The following TTC29 variants were observed in gnomAD, a reference collection of about 807,000 sequenced individuals.
The protein encoded by TTC29 is tetratricopeptide repeat domain 29, also known as tetratricopeptide repeat protein 29.
TTC29 carries 49 observed loss-of-function variants against 58.1 expected under a neutral mutation model. The observed-to-expected ratio is 0.84, with a 90% CI of 0.67 to 1.07. The LOEUF is 1.07. Among genes scored for constraint, TTC29 ranks in the 50% least tolerant of loss-of-function variants. The probability of loss-of-function intolerance (pLI) is 0.00; values close to 1 mark genes in which losing one functional copy is unlikely to be tolerated. For synonymous variants in TTC29, 209 were observed against 196.8 expected (o/e 1.06, Z -0.52); for missense variants, 582 against 555.6 (o/e 1.05, Z -0.48).
intron 4 of TTC29, among the ~76,000 whole-genome samples, chr4:146,920,505 T>C (rs1223556633): frequency 6.6e-6 from 1 of 151,184 alleles, no homozygotes; most frequent in Non-Finnish European, 1.5e-5. Context: ...ACATTATTCA[T>C]GCTCTTTTCA....
At chr4:146,889,856 A>G (rs1732231737) in intron 6 of TTC29, among the ~76,000 whole-genome samples, 1 of 152,150 alleles carries the variant, frequency 6.6e-6, no homozygotes, top group Admixed American at 6.5e-5. Flanking sequence ...TCTAGAAAAA[A>G]TTTTTATATG....
chr4:146,881,721 C>G (rs1476670746), intron 6 of TTC29, among the ~76,000 whole-genome samples: 1 of 152,082 alleles, frequency 6.6e-6, no homozygotes, highest in Non-Finnish European at 1.5e-5. Flanking sequence ...GCTTGCCACA[C>G]TTCCAACAGA....
chr4:146,909,207 C>G lies in TTC29; in HGVS notation c.219G>C (p.Leu73=). 2.5e-6 allele frequency: 4 copies of G among 1,613,432 alleles called. No individual in the cohort carries two copies. The highest frequency in any genetic ancestry group is 3.4e-6 in the Non-Finnish European group (4 of 1,179,788). ...TGAAGGACTTATGATAACCATCTCG[C>G]AGCATGTCCACACAGATATTCTTCT... ...SYKKNICVDM[L]RDGYHKSFTE... Residue 73 remains leucine, a synonymous_variant, in exon 5 of 13, where the codon CTG becomes CTC. Coordinates refer to ENST00000325106, the MANE Select transcript of TTC29 (RefSeq NM_031956.4).
intron 8 of TTC29, among the ~76,000 whole-genome samples, chr4:146,836,337 C>T (rs181371557): frequency 7.9e-5 from 12 of 152,014 alleles, no homozygotes; most frequent in South Asian, 2.1e-4. Context: ...GGCAGTAGGA[C>T]GAGTATAGTT....
intron 11 of TTC29, among the ~76,000 whole-genome samples, chr4:146,735,075 G>A (rs931231437): frequency 1.3e-5 from 2 of 152,222 alleles, no homozygotes; most frequent in African/African-American, 2.4e-5. Flanking sequence ...ATTGTTATCT[G>A]CAATTACTAC....
At chr4:146,906,423 G>A (rs1432823609) in intron 5 of TTC29, among the ~76,000 whole-genome samples, 1 of 152,098 alleles carries the variant, frequency 6.6e-6, no homozygotes, top group Non-Finnish European at 1.5e-5. Context: ...GAGAAGCAAC[G>A]AGATTGCTCA....
At chr4:146,762,288 T>A (rs1458718325) in intron 11 of TTC29, among the ~76,000 whole-genome samples, 1 of 151,872 alleles carries the variant, frequency 6.6e-6, no homozygotes, top group East Asian at 1.9e-4. Flanking sequence ...GTACAACGTC[T>A]GAGGTTGGAA....
intron 4 of TTC29, among the ~76,000 whole-genome samples, chr4:146,917,173 T>G (rs868856386): frequency 1.3e-5 from 2 of 150,926 alleles, no homozygotes; most frequent in Admixed American, 6.6e-5. Context: ...AAAGTAGAAT[T>G]TATTATACTT....
At chr4:146,780,331 G>A (rs1332500857) in intron 11 of TTC29, among the ~76,000 whole-genome samples, 1 of 151,290 alleles carries the variant, frequency 6.6e-6, no homozygotes, top group Non-Finnish European at 1.5e-5. Context: ...GTGTGTGTGT[G>A]TGTGTGTGTG....
At chr4:146,853,645 T>C (rs1729651507) in intron 8 of TTC29, among the ~76,000 whole-genome samples, 1 of 152,178 alleles carries the variant, frequency 6.6e-6, no homozygotes, top group Non-Finnish European at 1.5e-5. Context: ...TTTCACACAT[T>C]ACTAATTATT....
Position 146,909,019 on chromosome 4 carries a change from CA to C in TTC29, c.400+6del, listed in dbSNP as rs748942601. On this transcript the variant is annotated splice_donor_region_variant and intron_variant, in intron 5 of 12. Coordinates refer to ENST00000325106, the MANE Select transcript of TTC29 (RefSeq NM_031956.4). ...TTCTGTGCTCTGCCCACAGTCCCAC[CA>C]CTTACCTTTCCTCTCAGCGTCCTCA... is the stretch of plus-strand genomic sequence containing the variant. 22 of 1,612,894 alleles carry C rather than the reference CA, an allele frequency of 1.4e-5. No individual in the cohort carries two copies. The highest frequency in any genetic ancestry group is 1.8e-5 in the Non-Finnish European group (21 of 1,179,204).
chr4:146,774,090 A>T (rs1202023135), intron 11 of TTC29, among the ~76,000 whole-genome samples: 1 of 151,672 alleles, frequency 6.6e-6, no homozygotes, highest in East Asian at 1.9e-4. Context: ...GTCATGACTC[A>T]TTTGTCATTT....
At position 146,728,647 on chromosome 4, in the gene TTC29, ACTCT is replaced by A. The variant is rs920064640; in HGVS notation, c.1331-21100_1331-21097del. 4.1e-5 allele frequency among the ~76,000 whole-genome samples: 6 copies of A among 144,714 alleles called. No individual in the cohort carries two copies. The East Asian group carries it at 6.1e-4, about 15-fold the overall frequency. The allele number at this position is 144,714 out of a possible 152,430, so 94.9% of individuals were successfully genotyped here. A position where few individuals can be genotyped will look rare whatever the true frequency, so the allele number is the denominator to read the frequency against. On this transcript the variant is annotated intron_variant, in intron 11 of 12. Transcript: ENST00000325106. ...ATAACATTTTACTTTTACTACTACT[ACTCT>A]CTCTCTCTCTATATATATACACATA...
chr4:146,839,976 G>A (rs560391257), intron 8 of TTC29, among the ~76,000 whole-genome samples: 4 of 151,918 alleles, frequency 2.6e-5, no homozygotes, highest in South Asian at 2.1e-4. Flanking sequence ...AAAAGAAAAT[G>A]TTTGTCAGCC....
chr4:146,871,320 T>A (rs1730915397), intron 7 of TTC29, among the ~76,000 whole-genome samples: 1 of 151,902 alleles, frequency 6.6e-6, no homozygotes, highest in South Asian at 2.1e-4. Flanking sequence ...AAACTTGGAA[T>A]AGAAGGGAAT....
At chr4:146,831,043 T>C (rs1728124226) in intron 9 of TTC29, among the ~76,000 whole-genome samples, 3 of 152,172 alleles carry the variant, frequency 2.0e-5, no homozygotes, top group Non-Finnish European at 4.4e-5. Context: ...TGCACTCCCC[T>C]GAGTACTCCT....
chr4:146,756,013 G>A (rs1260115637), intron 11 of TTC29, among the ~76,000 whole-genome samples: 1 of 152,130 alleles, frequency 6.6e-6, no homozygotes, highest in Non-Finnish European at 1.5e-5. Flanking sequence ...GGTGGCTCAA[G>A]CCTGTAATCC....
chr4:146,788,810 C>T (rs1242437029), intron 11 of TTC29, among the ~76,000 whole-genome samples: 1 of 151,786 alleles, frequency 6.6e-6, no homozygotes, highest in Non-Finnish European at 1.5e-5. Context: ...AGGTAGGTTT[C>T]TTGGGGAAGT....
intron 8 of TTC29, among the ~76,000 whole-genome samples, chr4:146,837,303 T>G (rs1728574311): frequency 6.6e-6 from 1 of 151,904 alleles, no homozygotes. Context: ...TGGGAACTCA[T>G]GGATACAAAG....
Sources: gnomAD v4.1 joint callset for allele counts (sites outside exome capture counted in the v4.1 genomes callset) on GRCh38, gnomAD v4.1.1 for gene constraint, MANE v1.5 for transcripts, NCBI Gene and HGNC (gene_info 2026-07-23, HGNC 2026-07-21) for gene names.